STAG1: variants seen among roughly 807,000 people sequenced by gnomAD.
STAG1 encodes the protein STAG1 cohesin complex component.
In STAG1, 26 loss-of-function variants were observed where a neutral mutation model predicts 170.9. That is an observed-to-expected ratio of 0.15 (90% CI 0.11 to 0.21). STAG1 has a LOEUF of 0.21. Among genes scored for constraint, STAG1 ranks in the 10% least tolerant of loss-of-function variants. STAG1 has a pLI of 1.00. For missense variants in STAG1, 964 were observed against 1,509.5 expected (o/e 0.64, Z 5.99); for synonymous variants, 514 against 497.7 (o/e 1.03, Z -0.44).
intron 16 of STAG1, among the ~76,000 whole-genome samples, chr3:136,427,351 G>A (rs2088161817): frequency 6.6e-6 from 1 of 152,080 alleles, no homozygotes; most frequent in Non-Finnish European, 1.5e-5. Flanking sequence ...GTATTGCCAA[G>A]TATTCACTAA....
intron 5 of STAG1, among the ~76,000 whole-genome samples, chr3:136,558,473 A>G (rs1936710284): frequency 6.6e-6 from 1 of 152,242 alleles, no homozygotes; most frequent in African/African-American, 2.4e-5. Flanking sequence ...AGAAGACTTT[A>G]CACAGTTCAT....
chr3:136,396,093 G>A (rs2087139732), intron 22 of STAG1, among the ~76,000 whole-genome samples: 1 of 152,074 alleles, frequency 6.6e-6, no homozygotes, highest in South Asian at 2.1e-4. Context: ...GTAGAGACAG[G>A]GTTTCATCAC....
At chr3:136,538,700 G>A (rs903463960) in intron 6 of STAG1, among the ~76,000 whole-genome samples, 3 of 152,046 alleles carry the variant, frequency 2.0e-5, no homozygotes, top group South Asian at 2.1e-4. Context: ...GATTACAGGC[G>A]TAAGCCACCA....
intron 2 of STAG1, among the ~76,000 whole-genome samples, chr3:136,624,107 C>CT (rs113818295): frequency 0.011 from 1,569 of 146,452 alleles, 22 homozygotes; most frequent in African/African-American, 0.034. Flanking sequence ...ATATTGGAAT[C>CT]TTTTTTTTTT....
chr3:136,626,449 CA>C (rs1940098069), intron 2 of STAG1, among the ~76,000 whole-genome samples: 1 of 148,044 alleles, frequency 6.8e-6, no homozygotes. Flanking sequence ...ACCAAAAAAA[CA>C]AAAAACCATA....
At chr3:136,552,445 T>C (rs1936444436) in intron 5 of STAG1, among the ~76,000 whole-genome samples, 1 of 152,162 alleles carries the variant, frequency 6.6e-6, no homozygotes, top group Non-Finnish European at 1.5e-5. Context: ...CTAAATAAAA[T>C]ATAAACAGCA....
chr3:136,533,319 T>C (rs900833767), intron 6 of STAG1, among the ~76,000 whole-genome samples: 1 of 152,176 alleles, frequency 6.6e-6, no homozygotes, highest in Admixed American at 6.5e-5. Flanking sequence ...AAAATGTTGG[T>C]AACCACTGAA....
chr3:136,643,249 T>A (rs1024199798), intron 1 of STAG1, among the ~76,000 whole-genome samples: 2 of 152,258 alleles, frequency 1.3e-5, no homozygotes, highest in East Asian at 3.8e-4. Flanking sequence ...GCAACTCCTC[T>A]ATGCTAGGCA....
intron 15 of STAG1, among the ~76,000 whole-genome samples, chr3:136,435,620 T>G (rs1267560455): frequency 1.3e-5 from 2 of 152,190 alleles, no homozygotes; most frequent in Non-Finnish European, 2.9e-5. Flanking sequence ...TTAAGTCATT[T>G]AATTAAAACT....
intron 1 of STAG1, among the ~76,000 whole-genome samples, chr3:136,708,974 T>TC (rs1943307549): frequency 1.0e-5 from 1 of 95,462 alleles, no homozygotes; most frequent in South Asian, 3.7e-4. Flanking sequence ...TGGCTTTTTT[T>TC]TTTTTTTTTT....
chr3:136,502,132 C>T (rs560010817), intron 8 of STAG1, among the ~76,000 whole-genome samples: 8 of 151,706 alleles, frequency 5.3e-5, no homozygotes, highest in Non-Finnish European at 1.0e-4. Flanking sequence ...GAGTTGAGAT[C>T]GCACCATTGC....
At chr3:136,618,337 A>T (rs1048281232) in intron 3 of STAG1, among the ~76,000 whole-genome samples, 1 of 152,256 alleles carries the variant, frequency 6.6e-6, no homozygotes, top group Non-Finnish European at 1.5e-5. Context: ...TGCGTCAGGG[A>T]TAAGAACCCC....
At chr3:136,657,697 C>A (rs951284239) in intron 1 of STAG1, among the ~76,000 whole-genome samples, 8 of 152,164 alleles carry the variant, frequency 5.3e-5, no homozygotes, top group African/African-American at 1.7e-4. Flanking sequence ...TGGTACATGC[C>A]TGTAGTTTCA....
At chr3:136,555,333 G>A (rs1053816054) in intron 5 of STAG1, among the ~76,000 whole-genome samples, 13 of 151,328 alleles carry the variant, frequency 8.6e-5, no homozygotes, top group Non-Finnish European at 1.2e-4. Context: ...GAAACATAGC[G>A]AGTCTCTAAA....
chr3:136,698,405 AATC>A (rs527729706), intron 1 of STAG1, among the ~76,000 whole-genome samples: 58 of 152,274 alleles, frequency 3.8e-4, no homozygotes, highest in African/African-American at 1.4e-3. Context: ...CAACATCACT[AATC>A]ATCAGGGAAA....
chr3:136,349,388 T>C, intron 28 of STAG1, 25 bp from the exon 29 acceptor site: 1 of 1,573,628 alleles, frequency 6.4e-7, no homozygotes, highest in Non-Finnish European at 8.7e-7. Context: ...GAAACAGCAG[T>C]GATTTTCAGA....
intron 4 of STAG1, among the ~76,000 whole-genome samples, chr3:136,593,273 C>G (rs866489196): frequency 9.8e-5 from 15 of 152,304 alleles, no homozygotes; most frequent in Middle Eastern, 6.8e-3. Context: ...TCACCTCACC[C>G]CAACACGTAG....
rs1935721314 is a variant in STAG1, at chr3:136,337,295, T to G, written c.*959A>C. ...ACTTTTGAATGATTGATAAAGGATT[T>G]CTTCATGATTGATTATCTTAAGAAA... On this transcript the variant is annotated 3_prime_UTR_variant, in exon 34 of 34. Coordinates refer to ENST00000383202, the MANE Select transcript of STAG1 (RefSeq NM_005862.3). 6.6e-6 allele frequency: 1 copy of G among 152,662 alleles called. No homozygotes were observed. Among genetic ancestry groups the G allele is most frequent in the African/African-American group, 2.4e-5 (1 of 41,468 alleles). 9.5% of individuals were successfully genotyped at this position (152,662 alleles called of 1,614,324 possible).
At chr3:136,554,127 T>C (rs1936516941) in intron 5 of STAG1, among the ~76,000 whole-genome samples, 1 of 152,082 alleles carries the variant, frequency 6.6e-6, no homozygotes. Context: ...AAAAAAAGTA[T>C]TGCCGGAGAT....
Sources: gnomAD v4.1 joint callset for allele counts (sites outside exome capture counted in the v4.1 genomes callset) on GRCh38, gnomAD v4.1.1 for gene constraint, MANE v1.5 for transcripts, NCBI Gene and HGNC (gene_info 2026-07-23, HGNC 2026-07-21) for gene names.